Variants in ABCC6 observed in about 807,000 individuals in gnomAD.
ABCC6 encodes the protein ATP binding cassette subfamily C member 6.
In ABCC6, 126 loss-of-function variants were observed where a neutral mutation model predicts 169.5. The observed-to-expected ratio is 0.74, with a 90% CI of 0.64 to 0.86. ABCC6 has a LOEUF of 0.86. Ranked by LOEUF, ABCC6 falls within the 40% of genes least tolerant of loss-of-function variation. The pLI is 0.00. For synonymous variants in ABCC6, 752 were observed against 814.7 expected (o/e 0.92, Z 1.31); for missense variants, 1,733 against 1,927.2 (o/e 0.90, Z 1.89).
chr16:16,159,879 G>GC (rs1212096984), intron 25 of ABCC6, among the ~76,000 whole-genome samples: 1 of 152,104 alleles, frequency 6.6e-6, no homozygotes, highest in Non-Finnish European at 1.5e-5. Flanking sequence ...AGGGTGTGTG[G>GC]CCCTCCCAAG....
intron 20 of ABCC6, among the ~76,000 whole-genome samples, chr16:16,175,051 T>G (rs929614151): frequency 1.3e-5 from 2 of 151,992 alleles, no homozygotes; most frequent in Admixed American, 1.3e-4. Flanking sequence ...AGTGCTGGGA[T>G]TACAGGTGTG....
chr16:16,199,847 T>C (rs79555402), intron 9 of ABCC6, among the ~76,000 whole-genome samples: 2 of 143,058 alleles, frequency 1.4e-5, no homozygotes, highest in East Asian at 2.2e-4. Context: ...GCGGGTGGAT[T>C]GCTTGAGGCC....
intron 14 of ABCC6, among the ~76,000 whole-genome samples, chr16:16,185,849 G>T (rs373752327): frequency 3.9e-5 from 6 of 152,212 alleles, no homozygotes; most frequent in African/African-American, 1.4e-4. Flanking sequence ...AGTGTAATTA[G>T]ATTAGTGGTT....
rs182990959 is a variant in ABCC6, at chr16:16,186,216, C to T, written c.1867+908G>A. ...AGAAGGATGGGGTGGAGGGGGAAGCCCAGGTAACTTGAGCTTGGTAAGTCT... is the reference window on the plus strand; with the variant it reads ...AGAAGGATGGGGTGGAGGGGGAAGCTCAGGTAACTTGAGCTTGGTAAGTCT... On this transcript the variant is annotated intron_variant, in intron 14 of 30. Coordinates refer to ENST00000205557, the MANE Select transcript of ABCC6 (RefSeq NM_001171.6). Among the ~76,000 whole-genome samples the T allele has an allele frequency of 8.5e-5, 13 of 152,174 alleles. 1 individual carries two copies. The East Asian group carries it at 1.5e-3, about 18-fold the overall frequency.
At chr16:16,213,134 G>C (rs1021257391) in intron 5 of ABCC6, among the ~76,000 whole-genome samples, 1 of 150,496 alleles carries the variant, frequency 6.6e-6, no homozygotes, top group African/African-American at 2.5e-5. Context: ...ACCCAGGCTG[G>C]AGTGCAATGG....
chr16:16,202,032 C>T lies in ABCC6; in HGVS notation c.1145G>A (p.Arg382Gln), dbSNP rs776373779. Residue 382 changes from arginine to glutamine, a missense_variant, in exon 9 of 31, where the codon CGG (arginine) becomes CAG (glutamine). Arg to Gln is a conservative substitution (Grantham distance 43, BLOSUM62 1). Around this residue, in one of 5 missense-constraint regions of ABCC6, gnomAD observed 1,601 missense variants for 1,635.5 expected, o/e 0.98. Coordinates refer to ENST00000205557, the MANE Select transcript of ABCC6 (RefSeq NM_001171.6). Reference protein sequence around the residue: ...YRLKVLQMRLRSAITGLVYRK... With the variant: ...YRLKVLQMRLQSAITGLVYRK... ...GTACACCAGGCCAGTGATGGCCGAC[C>T]GCAACCTCATCTGCAGCACCTTGAG... 17 of 1,613,870 alleles carry T rather than the reference C, an allele frequency of 1.1e-5. No homozygotes were observed. Among genetic ancestry groups the T allele is most frequent in the African/African-American group, 4.0e-5 (3 of 74,920 alleles).
intron 19 of ABCC6, among the ~76,000 whole-genome samples, chr16:16,176,509 C>G (rs1456472749): frequency 6.6e-6 from 1 of 152,242 alleles, no homozygotes; most frequent in Non-Finnish European, 1.5e-5. Context: ...ACAGCATCAT[C>G]ACAGCAAAAG....
At chr16:16,157,592 G>T in intron 27 of ABCC6, 71 bp downstream of exon 27, 3 of 1,600,058 alleles carry the variant, frequency 1.9e-6, no homozygotes, top group South Asian at 1.1e-5. Context: ...GGTGCCCAGG[G>T]TTTAGGGCCT....
chr16:16,161,274 T>C lies in ABCC6; in HGVS notation c.3633+164A>G, dbSNP rs2152221559. Among the ~76,000 whole-genome samples the C allele has an allele frequency of 1.3e-5, 2 of 152,334 alleles. 1 individual carries two copies. The highest frequency in any genetic ancestry group is 4.8e-5 in the African/African-American group (2 of 41,578). Reference sequence around the variant, plus strand: ...CTTGCCCAAGGTTGCAAGTTCACCTTAGCTGAGTCTGGCTCTTGTAGAGCT... The same window carrying C: ...CTTGCCCAAGGTTGCAAGTTCACCTCAGCTGAGTCTGGCTCTTGTAGAGCT... On this transcript the variant is annotated intron_variant, in intron 25 of 30. Transcript: ENST00000205557.
At position 16,214,354 on chromosome 16, in the gene ABCC6, G is replaced by C. The variant is rs1195067258; in HGVS notation, c.570C>G (p.Pro190=). 3 of 1,550,742 alleles carry C rather than the reference G, an allele frequency of 1.9e-6. No individual in the cohort carries two copies. The highest frequency in any genetic ancestry group is 2.6e-6 in the Non-Finnish European group (3 of 1,146,460). The part of the protein sequence containing the change: ...QFVLSCLADQ[P]PFFPEDPQQS... The stretch of plus-strand genomic sequence containing the variant: ...GCTGGGGGTCTTCAGGGAAGAAGGG[G>C]GGTTGATCCGCCAGGCAGGACAGCA... The change falls in exon 5 of 31, where the codon CCC becomes CCG. Residue 190 remains proline (P), a synonymous_variant. Coordinates refer to ENST00000205557, the MANE Select transcript of ABCC6 (RefSeq NM_001171.6).
At chr16:16,153,172 T>G (rs2046438865) in intron 29 of ABCC6, among the ~76,000 whole-genome samples, 1 of 152,194 alleles carries the variant, frequency 6.6e-6, no homozygotes, top group Non-Finnish European at 1.5e-5. Context: ...CCCATAGTGC[T>G]AGGATTACAG....
chr16:16,173,168 T>G, intron 21 of ABCC6, 116 bp downstream of exon 21: 1 of 1,408,598 alleles, frequency 7.1e-7, no homozygotes, highest in Middle Eastern at 2.5e-4. Context: ...TACTGGCACA[T>G]AGTAGGTGCT....
At chr16:16,198,760 G>A (rs1381943717) in intron 9 of ABCC6, among the ~76,000 whole-genome samples, 7 of 151,248 alleles carry the variant, frequency 4.6e-5, no homozygotes, top group East Asian at 1.9e-4. Flanking sequence ...TTGGGAGGCC[G>A]AGGTGGACAG....
At chr16:16,221,852 C>T (rs778792914) in intron 1 of ABCC6, 21 bp from the exon 2 acceptor site, 2 of 1,612,462 alleles carry the variant, frequency 1.2e-6, no homozygotes, top group African/African-American at 1.3e-5. Context: ...ACAAAGAGGA[C>T]CCTTAGGATG....
intron 10 of ABCC6, among the ~76,000 whole-genome samples, chr16:16,194,882 G>C (rs923263986): frequency 6.6e-6 from 1 of 151,932 alleles, no homozygotes; most frequent in African/African-American, 2.4e-5. Flanking sequence ...GTTTCACCAC[G>C]TTGCCCAGGC....
intron 14 of ABCC6, 105 bp downstream of exon 14, chr16:16,187,019 G>GC: frequency 1.0e-6 from 1 of 984,884 alleles, no homozygotes; most frequent in Non-Finnish European, 1.6e-6. Flanking sequence ...ATTGCCCGCA[G>GC]CCCCCATCTC....
chr16:16,214,531 A>C, intron 4 of ABCC6, 82 bp from the exon 5 acceptor site: 2 of 1,549,654 alleles, frequency 1.3e-6, no homozygotes, highest in Middle Eastern at 3.4e-4. Flanking sequence ...ATCTTGGGTC[A>C]GTGCCCACTC....
intron 14 of ABCC6, 51 bp from the exon 15 acceptor site, chr16:16,185,085 C>G: frequency 1.3e-6 from 2 of 1,566,132 alleles, no homozygotes; most frequent in Non-Finnish European, 1.8e-6. Flanking sequence ...TGGCCGGCCT[C>G]TGCATCGGAG....
intron 23 of ABCC6, among the ~76,000 whole-genome samples, chr16:16,164,666 C>T (rs1230138745): frequency 3.3e-5 from 5 of 152,078 alleles, no homozygotes; most frequent in Non-Finnish European, 5.9e-5. Context: ...CAAAATTAGA[C>T]CAGAGGTAAG....
Sources: gnomAD v4.1 joint callset for allele counts (sites outside exome capture counted in the v4.1 genomes callset) on GRCh38, gnomAD v4.1.1 for gene constraint, gnomAD v4.1.1 regional missense constraint, MANE v1.5 for transcripts, NCBI Gene and HGNC (gene_info 2026-07-23, HGNC 2026-07-21) for gene names.